Variants in THSD7A observed in about 807,000 individuals in gnomAD.
THSD7A encodes the protein thrombospondin type-1 domain-containing protein 7A.
Under a neutral mutation model 231.3 loss-of-function variants are expected in THSD7A, and 96 were observed. That is an observed-to-expected ratio of 0.41 (90% CI 0.35 to 0.49). The LOEUF (loss-of-function observed/expected upper bound fraction) is 0.49, where lower values mean the gene tolerates loss of function less well. THSD7A is among the 20% of genes least tolerant of loss of function. The probability of loss-of-function intolerance (pLI) is 0.05; values close to 1 mark genes in which losing one functional copy is unlikely to be tolerated. For synonymous variants in THSD7A, 940 were observed against 743.3 expected, an observed-to-expected ratio of 1.26 and a Z score of -4.30; for missense variants, 2,290 against 2,070.2, an observed-to-expected ratio of 1.11 and a Z score of -2.06.
At chr7:11,495,669 G>T (rs1787067889) in intron 6 of THSD7A, among the ~76,000 whole-genome samples, 5 of 152,068 alleles carry the variant, frequency 3.3e-5, no homozygotes, top group Admixed American at 3.3e-4. Context: ...CTTAAAAAGG[G>T]TTTGGCTTAT....
chr7:11,510,154 T>C (rs1416041729), intron 6 of THSD7A, among the ~76,000 whole-genome samples: 1 of 152,076 alleles, frequency 6.6e-6, no homozygotes, highest in African/African-American at 2.4e-5. Flanking sequence ...CAAATGCCGA[T>C]CAGTCAACGA....
At chr7:11,813,702 G>T (rs1314786584) in intron 1 of THSD7A, among the ~76,000 whole-genome samples, 1 of 146,944 alleles carries the variant, frequency 6.8e-6, no homozygotes, top group East Asian at 2.0e-4. Context: ...GACAGAGCAA[G>T]ACTCCATCTC....
At chr7:11,796,624 C>CT (rs1341979095) in intron 1 of THSD7A, among the ~76,000 whole-genome samples, 1 of 138,454 alleles carries the variant, frequency 7.2e-6, no homozygotes, top group Non-Finnish European at 1.5e-5. Context: ...AAGATTATCT[C>CT]TAAGTATTTC....
At chr7:11,459,125 G>T (rs1785409493) in intron 11 of THSD7A, among the ~76,000 whole-genome samples, 1 of 151,852 alleles carries the variant, frequency 6.6e-6, no homozygotes, top group African/African-American at 2.4e-5. Context: ...TTCACATTTT[G>T]ATCTCTGGGT....
chr7:11,573,187 C>T (rs73288899), intron 4 of THSD7A, among the ~76,000 whole-genome samples: 5,976 of 152,208 alleles, frequency 0.039, 364 homozygotes, highest in African/African-American at 0.14. Context: ...CAGCACTGTG[C>T]TACCTATACT....
At chr7:11,385,490 A>G (rs1250151965) in intron 23 of THSD7A, 1 of 152,092 alleles carries the variant, frequency 6.6e-6, no homozygotes. Context: ...TTTATTGTGA[A>G]AGTGAACTGA....
rs143107851 is a variant in THSD7A at position 11,447,885 on chromosome 7, G to C, written c.2606-461C>G. Among the ~76,000 whole-genome samples, 1,428 of 152,206 alleles carry C rather than the reference G, an allele frequency of 9.4e-3. 16 individuals are homozygous for C. The highest frequency in any genetic ancestry group is 0.013 in the Non-Finnish European group (907 of 67,992). ...GACACCCTAGAATTCCTTTATAGAA[G>C]TGTTTTAGTGGCAGAAAGCTGGTTG... On this transcript the variant is annotated intron_variant, in intron 11 of 27. Transcript: ENST00000423059.
intron 1 of THSD7A, among the ~76,000 whole-genome samples, chr7:11,791,163 T>C (rs1418920314): frequency 6.6e-6 from 1 of 152,020 alleles, no homozygotes; most frequent in Non-Finnish European, 1.5e-5. Context: ...ATGTACTTAA[T>C]TGGCCTGCTA....
intron 4 of THSD7A, among the ~76,000 whole-genome samples, chr7:11,573,361 C>T (rs1359640000): frequency 6.6e-6 from 1 of 151,436 alleles, no homozygotes; most frequent in Non-Finnish European, 1.5e-5. Flanking sequence ...CTTCTCTGTA[C>T]CTTGTCCTAA....
At chr7:11,611,152 A>G (rs1780908114) in intron 2 of THSD7A, among the ~76,000 whole-genome samples, 1 of 152,108 alleles carries the variant, frequency 6.6e-6, no homozygotes, top group Non-Finnish European at 1.5e-5. Context: ...AATTTTTTTT[A>G]AGTTAAAATA....
chr7:11,415,781 C>T (rs1250786429), intron 17 of THSD7A, among the ~76,000 whole-genome samples: 2 of 152,164 alleles, frequency 1.3e-5, no homozygotes, highest in Non-Finnish European at 2.9e-5. Context: ...CAGATGTGTC[C>T]TAAAGCTGGC....
intron 1 of THSD7A, among the ~76,000 whole-genome samples, chr7:11,704,551 T>G (rs1291735174): frequency 6.6e-6 from 1 of 150,804 alleles, no homozygotes; most frequent in Non-Finnish European, 1.5e-5. Context: ...TGTGTGAATA[T>G]GTTCAGTGCT....
chr7:11,549,105 A>T (rs1000710021), intron 4 of THSD7A, among the ~76,000 whole-genome samples: 1 of 152,218 alleles, frequency 6.6e-6, no homozygotes, highest in Non-Finnish European at 1.5e-5. Context: ...GACACTTCTC[A>T]AAAGAAGACA....
At chr7:11,505,047 T>C (rs1787487823) in intron 6 of THSD7A, among the ~76,000 whole-genome samples, 1 of 152,132 alleles carries the variant, frequency 6.6e-6, no homozygotes, top group Admixed American at 6.6e-5. Flanking sequence ...CAAACTTAAC[T>C]TCAGCCATCA....
intron 1 of THSD7A, among the ~76,000 whole-genome samples, chr7:11,779,195 A>G (rs548611941): frequency 5.0e-4 from 76 of 152,282 alleles, no homozygotes; most frequent in African/African-American, 1.7e-3. Context: ...AGAAAAGAGT[A>G]TTTACTTCAT....
At chr7:11,597,308 G>T (rs528913758) in intron 2 of THSD7A, among the ~76,000 whole-genome samples, 2 of 152,342 alleles carry the variant, frequency 1.3e-5, no homozygotes, top group South Asian at 4.1e-4. Context: ...ACAATGGCTA[G>T]TGGGCTTATT....
chr7:11,808,977 G>T (rs1400782678), intron 1 of THSD7A, among the ~76,000 whole-genome samples: 1 of 151,938 alleles, frequency 6.6e-6, no homozygotes, highest in Non-Finnish European at 1.5e-5. Flanking sequence ...CAAAATTTCT[G>T]GGAATATTTT....
rs778307272 is a variant in THSD7A, at chr7:11,482,001, C to A, written c.1823-19G>T. 3 of 1,573,966 alleles carry A rather than the reference C, an allele frequency of 1.9e-6. No homozygotes were observed. Among genetic ancestry groups the A allele is most frequent in the South Asian group, 1.2e-5 (1 of 85,738 alleles). ...TCTTCTCCTGGGGAAAACATGACCA[C>A]CAACAGCTATTATTGTTAAATTAAT... On this transcript the variant is annotated intron_variant, in intron 6 of 27. Coordinates refer to ENST00000423059, the MANE Select transcript of THSD7A (RefSeq NM_015204.3).
intron 6 of THSD7A, 56 bp downstream of exon 6, chr7:11,541,363 A>C: frequency 6.5e-7 from 1 of 1,542,514 alleles, no homozygotes; most frequent in Non-Finnish European, 8.9e-7. Flanking sequence ...CAGAAAGTAA[A>C]AACATATATG....
Sources: allele counts gnomAD v4.1 joint callset (sites outside exome capture counted in the v4.1 genomes callset), GRCh38; gene constraint gnomAD v4.1.1; transcripts MANE v1.5; gene names NCBI Gene and HGNC (gene_info 2026-07-23, HGNC 2026-07-21).